Variants in PBX3 observed in about 807,000 individuals in gnomAD.
PBX3 encodes the protein PBX homeobox 3.
In PBX3, 14 loss-of-function variants were observed where a neutral mutation model predicts 48.5. The ratio of observed to expected loss-of-function variants is 0.29; its 90% CI spans 0.19 to 0.45. The LOEUF (loss-of-function observed/expected upper bound fraction) is 0.45. Ranked by LOEUF, PBX3 falls within the 20% of genes least tolerant of loss-of-function variation. The pLI is 1.00. For missense variants in PBX3, 386 were observed against 546.7 expected (o/e 0.71, Z 2.93); for synonymous variants, 210 against 200.3 (o/e 1.05, Z -0.41).
intron 2 of PBX3, among the ~76,000 whole-genome samples, chr9:125,796,220 C>T (rs186874449): frequency 1.1e-4 from 17 of 152,286 alleles, no homozygotes; most frequent in Admixed American, 1.0e-3. Flanking sequence ...TGGATCTTCA[C>T]CTTTCTCTCC....
chr9:125,802,478 C>T (rs1186160246), intron 2 of PBX3, among the ~76,000 whole-genome samples: 1 of 149,118 alleles, frequency 6.7e-6, no homozygotes, highest in Non-Finnish European at 1.5e-5. Context: ...AGGTAATTCT[C>T]CCACCTCAGC....
intron 2 of PBX3, among the ~76,000 whole-genome samples, chr9:125,872,548 T>C (rs934577758): frequency 6.6e-6 from 1 of 152,022 alleles, no homozygotes; most frequent in African/African-American, 2.4e-5. Flanking sequence ...CCTGTCCAGC[T>C]GGGAATTCCA....
In PBX3 at chr9:125,965,759, C is replaced by T. The variant is rs1842518367; in HGVS notation, c.1213-72C>T. On this transcript the variant is annotated intron_variant, in intron 8 of 8. Coordinates refer to ENST00000373489, the MANE Select transcript of PBX3 (RefSeq NM_006195.6). ...TGCATCTCTGCTCTCATGTTGTCAT[C>T]CGGGTGTTTTAAATTGGGGAGTAGA... 9.0e-6 allele frequency: 10 copies of T among 1,106,996 alleles called. No individual in the cohort carries two copies. The South Asian group carries it at 1.0e-4, about 11-fold the overall frequency. 68.6% of individuals were successfully genotyped at this position (1,106,996 alleles called of 1,614,324 possible).
intron 2 of PBX3, among the ~76,000 whole-genome samples, chr9:125,787,727 ATTGT>A (rs1837495264): frequency 6.6e-6 from 1 of 152,132 alleles, no homozygotes; most frequent in Admixed American, 6.6e-5. Flanking sequence ...GGATTTTAGG[ATTGT>A]TTGGTTTAAT....
chr9:125,819,754 G>A (rs1838593145), intron 2 of PBX3, among the ~76,000 whole-genome samples: 2 of 151,964 alleles, frequency 1.3e-5, no homozygotes, highest in South Asian at 4.2e-4. Flanking sequence ...TATACACAAT[G>A]TAACCCTGTA....
At chr9:125,815,260 A>G (rs12352375) in intron 2 of PBX3, among the ~76,000 whole-genome samples, 97,102 of 152,086 alleles carry the variant, frequency 0.64, 31,490 homozygotes, top group East Asian at 0.78. Flanking sequence ...AAATGTTGTA[A>G]CCTCTTGCTG....
chr9:125,758,301 T>G (rs1249347431), intron 2 of PBX3, among the ~76,000 whole-genome samples: 1 of 152,180 alleles, frequency 6.6e-6, no homozygotes, highest in African/African-American at 2.4e-5. Flanking sequence ...AGTTTCCTTT[T>G]TTTTTTGACT....
At chr9:125,876,763 G>C (rs940969822) in intron 2 of PBX3, among the ~76,000 whole-genome samples, 2 of 145,080 alleles carry the variant, frequency 1.4e-5, no homozygotes, top group Non-Finnish European at 3.1e-5. Context: ...ATCTTGTGTT[G>C]TTATCTTACT....
At chr9:125,824,731 C>T (rs1051721514) in intron 2 of PBX3, among the ~76,000 whole-genome samples, 20 of 148,782 alleles carry the variant, frequency 1.3e-4, no homozygotes, top group African/African-American at 5.0e-4. Context: ...TTTAAATACT[C>T]ATTGCTTACT....
chr9:125,957,752 A>AT (rs1842339630), intron 5 of PBX3, among the ~76,000 whole-genome samples: 1 of 152,246 alleles, frequency 6.6e-6, no homozygotes, highest in Admixed American at 6.5e-5. Context: ...TTGTTGCTAA[A>AT]TTCAGAGTTG....
intron 2 of PBX3, among the ~76,000 whole-genome samples, chr9:125,853,345 G>A (rs1386957558): frequency 2.6e-5 from 4 of 152,120 alleles, no homozygotes; most frequent in Non-Finnish European, 5.9e-5. Context: ...AGAGGACAGA[G>A]TCCAAAAATT....
At chr9:125,852,419 G>A (rs1473876352) in intron 2 of PBX3, among the ~76,000 whole-genome samples, 2 of 151,964 alleles carry the variant, frequency 1.3e-5, no homozygotes, top group Non-Finnish European at 2.9e-5. Flanking sequence ...AATTCAAGCC[G>A]TTAATGTGGG....
intron 3 of PBX3, among the ~76,000 whole-genome samples, chr9:125,928,373 T>A (rs1232468556): frequency 4.7e-5 from 7 of 149,044 alleles, no homozygotes; most frequent in African/African-American, 1.5e-4. Context: ...AGTGAGACTC[T>A]GAATATTAGG....
intron 2 of PBX3, among the ~76,000 whole-genome samples, chr9:125,749,971 TACTA>T (rs1285438744): frequency 1.3e-5 from 2 of 152,262 alleles, no homozygotes; most frequent in African/African-American, 4.8e-5. Flanking sequence ...TTTCTTGAAT[TACTA>T]ACTTTTATTT....
chr9:125,865,383 T>A (rs1173699224), intron 2 of PBX3: 1 of 167,164 alleles, frequency 6.0e-6, no homozygotes, highest in African/African-American at 2.4e-5. Context: ...AAAATAATTG[T>A]GTTTCTTAGG....
In PBX3 at chr9:125,748,296, C is replaced by T. The variant is rs1418103293; in HGVS notation, c.201-254C>T. 12 of 1,108,908 alleles carry T rather than the reference C, an allele frequency of 1.1e-5. No homozygotes were observed. In the East Asian group the frequency reaches 5.1e-4, roughly 47 times the overall value. The allele number at this position is 1,108,908 out of a possible 1,614,324, so 68.7% of individuals were successfully genotyped here. A position where few individuals can be genotyped will look rare whatever the true frequency, so the allele number is the denominator to read the frequency against. On this transcript the variant is annotated intron_variant, in intron 1 of 8. Transcript: ENST00000373489. The stretch of plus-strand genomic sequence containing the variant: ...GGGCGAGGCTCCCCGCGCGGGTTCG[C>T]GTCGCGTCTGCAGTGGCCGAGGCTG...
intron 4 of PBX3, 121 bp from the exon 5 acceptor site, chr9:125,935,351 A>G (rs1028545110): frequency 1.3e-6 from 1 of 784,710 alleles, no homozygotes; most frequent in Admixed American, 2.6e-5. Context: ...ACAGAAATAA[A>G]TTAGACCTTA....
At chr9:125,767,202 T>C (rs1377309830) in intron 2 of PBX3, among the ~76,000 whole-genome samples, 1 of 152,228 alleles carries the variant, frequency 6.6e-6, no homozygotes. Flanking sequence ...AATTTTGTCA[T>C]GGATTCTCTT....
chr9:125,855,678 T>C (rs1238965736), intron 2 of PBX3, among the ~76,000 whole-genome samples: 1 of 152,176 alleles, frequency 6.6e-6, no homozygotes, highest in African/African-American at 2.4e-5. Flanking sequence ...TCTAATTCTA[T>C]AGGGAGAATG....
Sources: gnomAD v4.1 joint callset for allele counts (sites outside exome capture counted in the v4.1 genomes callset) on GRCh38, gnomAD v4.1.1 for gene constraint, MANE v1.5 for transcripts, NCBI Gene and HGNC (gene_info 2026-07-23, HGNC 2026-07-21) for gene names.